The following GRM7 variants were observed in gnomAD, a reference collection of about 807,000 sequenced individuals.
GRM7 encodes the protein metabotropic glutamate receptor 7.
In GRM7, 35 loss-of-function variants were observed where a neutral mutation model predicts 84.5. That is an observed-to-expected ratio of 0.41 (90% CI 0.32 to 0.55). The LOEUF is 0.55. Ranked by LOEUF, GRM7 falls within the 20% of genes least tolerant of loss-of-function variation. The pLI is 0.19. For missense variants in GRM7, 1,003 were observed against 1,194.6 expected (o/e 0.84, Z 2.36); for synonymous variants, 487 against 455.1 (o/e 1.07, Z -0.89).
chr3:7,263,278 G>C (rs192138949), intron 2 of GRM7, among the ~76,000 whole-genome samples: 1 of 152,132 alleles, frequency 6.6e-6, no homozygotes, highest in African/African-American at 2.4e-5. Context: ...ACTCCTCAAG[G>C]TTGGTATAAC....
intron 4 of GRM7, among the ~76,000 whole-genome samples, chr3:7,340,672 T>A (rs1701604211): frequency 6.6e-6 from 1 of 152,154 alleles, no homozygotes; most frequent in African/African-American, 2.4e-5. Flanking sequence ...CAGAAGAAAG[T>A]GCCCTTGCCC....
In GRM7 at chr3:6,863,335, C is replaced by G. The variant is rs1324994456; in HGVS notation, c.519+1428C>G. 6.6e-6 allele frequency among the ~76,000 whole-genome samples: 1 copy of G among 152,146 alleles called. No individual in the cohort carries two copies. The highest frequency in any genetic ancestry group is 1.5e-5 in the Non-Finnish European group (1 of 68,036). ...CCTGGCACCTTTATGCTCCTCATAT[C>G]TAGAGAACCGGCCCCTCTCAAGTGC... On this transcript the variant is annotated intron_variant, in intron 1 of 9. Transcript: ENST00000357716. The surrounding 1 kb of genome is among the most constrained non-coding windows in gnomAD (Gnocchi z 4.8).
chr3:7,485,140 C>T (rs572208896), intron 7 of GRM7, among the ~76,000 whole-genome samples: 2 of 152,198 alleles, frequency 1.3e-5, no homozygotes, highest in Admixed American at 1.3e-4. Flanking sequence ...TGACTATAAC[C>T]ATAAAAGAGA....
chr3:7,024,375 T>C (rs1231809234), intron 1 of GRM7, among the ~76,000 whole-genome samples: 17 of 152,210 alleles, frequency 1.1e-4, no homozygotes, highest in Admixed American at 1.1e-3. Context: ...CAAATGCAAT[T>C]GCTGCGTTCA....
chr3:6,886,095 T>TTG (rs34466069), intron 1 of GRM7, among the ~76,000 whole-genome samples: 17,765 of 150,860 alleles, frequency 0.12, 1,181 homozygotes, highest in African/African-American at 0.17. Context: ...ATAGTTACCA[T>TTG]TGTGTGTGTG....
chr3:7,488,858 C>CTTATTTAT (rs3065639), intron 7 of GRM7, among the ~76,000 whole-genome samples: 2,923 of 147,558 alleles, frequency 0.02, 86 homozygotes, highest in African/African-American at 0.062. Context: ...CTAGTAAGGT[C>CTTATTTAT]TTATTTATTT....
At chr3:7,606,028 C>A (rs1223112479) in intron 8 of GRM7, among the ~76,000 whole-genome samples, 1 of 152,160 alleles carries the variant, frequency 6.6e-6, no homozygotes, top group Non-Finnish European at 1.5e-5. Flanking sequence ...TATCATCAGA[C>A]AAAGCATAAC....
At chr3:6,990,490 G>A (rs896487632) in intron 1 of GRM7, among the ~76,000 whole-genome samples, 3 of 152,022 alleles carry the variant, frequency 2.0e-5, no homozygotes, top group African/African-American at 7.3e-5. Flanking sequence ...AAATCATCAG[G>A]CATCCAGGCT....
chr3:7,001,752 A>G (rs909259445), intron 1 of GRM7, among the ~76,000 whole-genome samples: 5 of 152,222 alleles, frequency 3.3e-5, no homozygotes, highest in Non-Finnish European at 5.9e-5. Context: ...CTCTTTGGAC[A>G]AACTCTTTGA....
At chr3:7,255,118 C>T (rs1390173202) in intron 2 of GRM7, among the ~76,000 whole-genome samples, 1 of 152,136 alleles carries the variant, frequency 6.6e-6, no homozygotes, top group Non-Finnish European at 1.5e-5. Context: ...TCTATGTTCA[C>T]TGAAATTAGT....
At chr3:7,458,991 T>C (rs1342965854) in intron 6 of GRM7, among the ~76,000 whole-genome samples, 1 of 152,182 alleles carries the variant, frequency 6.6e-6, no homozygotes, top group East Asian at 1.9e-4. Flanking sequence ...TAAAAATCTT[T>C]TGTTGTTATT....
intron 4 of GRM7, among the ~76,000 whole-genome samples, chr3:7,350,765 T>A (rs1002286996): frequency 2.0e-5 from 3 of 152,098 alleles, no homozygotes; most frequent in Admixed American, 2.0e-4. Context: ...TGAGGTTGTT[T>A]TGGGTTAGAG....
intron 8 of GRM7, among the ~76,000 whole-genome samples, chr3:7,644,207 T>C (rs1308145615): frequency 1.4e-5 from 2 of 145,434 alleles, no homozygotes; most frequent in African/African-American, 5.5e-5. Context: ...TATATATATG[T>C]CTGTACATAT....
At chr3:7,362,149 G>T (rs1327692604) in intron 4 of GRM7, among the ~76,000 whole-genome samples, 3 of 152,076 alleles carry the variant, frequency 2.0e-5, no homozygotes, top group Non-Finnish European at 4.4e-5. Flanking sequence ...TGATTGAAAT[G>T]CTGCTTTATA....
chr3:7,589,013 T>A (rs1695651499), intron 8 of GRM7, among the ~76,000 whole-genome samples: 1 of 152,230 alleles, frequency 6.6e-6, no homozygotes, highest in South Asian at 2.1e-4. Flanking sequence ...CAAGGCCAGA[T>A]ATTTAGGCTG....
chr3:7,657,712 G>A (rs780208680), intron 8 of GRM7, among the ~76,000 whole-genome samples: 7 of 152,174 alleles, frequency 4.6e-5, no homozygotes, highest in Non-Finnish European at 7.3e-5. Flanking sequence ...AAGTGTAGTG[G>A]TGGCTGGGAG....
chr3:7,095,195 T>A (rs1024138368), intron 1 of GRM7, among the ~76,000 whole-genome samples: 2 of 152,166 alleles, frequency 1.3e-5, no homozygotes, highest in African/African-American at 4.8e-5. Flanking sequence ...AATTAACTAA[T>A]CTTCCCTAAA....
At chr3:7,118,306 C>G (rs550571557) in intron 1 of GRM7, among the ~76,000 whole-genome samples, 1 of 151,742 alleles carries the variant, frequency 6.6e-6, no homozygotes, top group Non-Finnish European at 1.5e-5. Context: ...TAGGAAGATC[C>G]TTTTGCCTGG....
At chr3:7,648,456 G>T (rs12635626) in intron 8 of GRM7, among the ~76,000 whole-genome samples, 2 of 151,812 alleles carry the variant, frequency 1.3e-5, no homozygotes, top group Non-Finnish European at 2.9e-5. Flanking sequence ...AGACCAGCCT[G>T]GCCAACATAG....
Sources: allele counts gnomAD v4.1 joint callset (sites outside exome capture counted in the v4.1 genomes callset), GRCh38; gene constraint gnomAD v4.1.1; non-coding constraint Gnocchi (gnomAD v3.1); transcripts MANE v1.5; gene names NCBI Gene and HGNC (gene_info 2026-07-23, HGNC 2026-07-21).